The following HFM1 variants were observed in gnomAD, a reference collection of about 807,000 sequenced individuals.
HFM1 encodes the protein helicase for meiosis 1, also known as probable ATP-dependent DNA helicase HFM1.
HFM1 carries 169 observed loss-of-function variants against 192.1 expected under a neutral mutation model. That is an observed-to-expected ratio of 0.88 (90% confidence interval 0.78 to 1.00). HFM1 has a LOEUF of 1.00. Ranked by LOEUF, HFM1 falls within the 50% of genes least tolerant of loss-of-function variation. The probability of loss-of-function intolerance (pLI) is 0.00; values close to 1 mark genes in which losing one functional copy is unlikely to be tolerated. For missense variants in HFM1, 1,661 were observed against 1,668.0 expected (o/e 1.00, Z 0.07); for synonymous variants, 525 against 537.8 (o/e 0.98, Z 0.33).
chr1:91,315,998 G>C (rs1248448699), intron 27 of HFM1, 26 bp from the exon 28 acceptor site: 1 of 1,550,824 alleles, frequency 6.4e-7, no homozygotes, highest in East Asian at 2.3e-5. Context: ...AGTATAAAAA[G>C]TGTTAAAAAT....
chr1:91,272,626 A>T (rs1475844083), intron 34 of HFM1, among the ~76,000 whole-genome samples: 1 of 152,104 alleles, frequency 6.6e-6, no homozygotes, highest in Non-Finnish European at 1.5e-5. Flanking sequence ...TGTTGAACAA[A>T]GATAAATATA....
chr1:91,331,039 C>T lies in HFM1; in HGVS notation c.2336-6273G>A, dbSNP rs572086063. On this transcript the variant is annotated intron_variant, in intron 20 of 38. Transcript: ENST00000370425. ...TAGTATCATACTGAATGGGGATAAACGGAAAAGCTTTCCTCTAAGATATGG... is the reference window on the plus strand; with the variant it reads ...TAGTATCATACTGAATGGGGATAAATGGAAAAGCTTTCCTCTAAGATATGG... Among the ~76,000 whole-genome samples the T allele has an allele frequency of 4.6e-5, 7 of 152,248 alleles. No individual in the cohort carries two copies. The East Asian group carries it at 7.7e-4, about 17-fold the overall frequency.
At chr1:91,281,051 A>C (rs1380213161) in intron 30 of HFM1, among the ~76,000 whole-genome samples, 2 of 152,216 alleles carry the variant, frequency 1.3e-5, no homozygotes, top group Non-Finnish European at 2.9e-5. Flanking sequence ...GAGGGGGCAC[A>C]ATCAGATCTG....
In HFM1 at chr1:91,267,654, A is replaced by C. The variant is rs1344980244; in HGVS notation, c.3883+91T>G. On this transcript the variant is annotated intron_variant, in intron 35 of 38. Transcript: ENST00000370425. ...AAATCTAACTAAACAAGCACACACA[A>C]CAAAGGCAAAGAAACTTAGTTCCAG... 4.8e-6 allele frequency: 3 copies of C among 630,720 alleles called. No individual in the cohort carries two copies. In the African/African-American group the frequency reaches 5.7e-5, roughly 12 times the overall value. 39.1% of individuals were successfully genotyped at this position (630,720 alleles called of 1,614,324 possible).
chr1:91,367,431 G>A (rs1659509252), intron 13 of HFM1, among the ~76,000 whole-genome samples: 1 of 152,164 alleles, frequency 6.6e-6, no homozygotes, highest in Admixed American at 6.5e-5. Context: ...TCAGGCAGCA[G>A]CATTTGCGGT....
intron 30 of HFM1, among the ~76,000 whole-genome samples, chr1:91,293,831 A>C (rs1269699975): frequency 5.4e-5 from 8 of 147,980 alleles, no homozygotes; most frequent in African/African-American, 1.5e-4. Flanking sequence ...TGGATTAAGA[A>C]AATGTGGCAC....
chr1:91,279,505 T>A (rs2100808773), intron 30 of HFM1, among the ~76,000 whole-genome samples: 1 of 152,322 alleles, frequency 6.6e-6, no homozygotes, highest in East Asian at 1.9e-4. Context: ...TTTGCCCACT[T>A]AGAAACATGA....
chr1:91,360,692 G>A (rs1658376968), intron 13 of HFM1, among the ~76,000 whole-genome samples: 1 of 152,146 alleles, frequency 6.6e-6, no homozygotes, highest in Non-Finnish European at 1.5e-5. Context: ...GGATCAAGTG[G>A]ACCTGACAGA....
At chr1:91,353,196 A>G in intron 14 of HFM1, 44 bp from the exon 15 acceptor site, 1 of 1,559,146 alleles carries the variant, frequency 6.4e-7, no homozygotes, top group Non-Finnish European at 8.8e-7. Context: ...TATTTCATCA[A>G]TAATTGGCAC....
chr1:91,344,748 T>G (rs1443236417), intron 19 of HFM1, among the ~76,000 whole-genome samples: 1 of 59,942 alleles, frequency 1.7e-5, no homozygotes, highest in African/African-American at 7.5e-5. Context: ...TTCTTTTCTT[T>G]TCTTGTTTTT....
At chr1:91,392,079 T>C (rs1183111087) in intron 4 of HFM1, among the ~76,000 whole-genome samples, 2 of 152,060 alleles carry the variant, frequency 1.3e-5, no homozygotes, top group Non-Finnish European at 2.9e-5. Flanking sequence ...ATGGTGATCA[T>C]TAAAAAGTCA....
chr1:91,324,818 GT>G, intron 20 of HFM1, 52 bp from the exon 21 acceptor site: 3 of 924,510 alleles, frequency 3.2e-6, no homozygotes, highest in South Asian at 1.4e-5. Context: ...TGAACCAACT[GT>G]TTTTTTATGT....
chr1:91,285,618 TA>T (rs1358626964), intron 30 of HFM1, among the ~76,000 whole-genome samples: 1 of 152,154 alleles, frequency 6.6e-6, no homozygotes, highest in Non-Finnish European at 1.5e-5. Context: ...AATTTGCATA[TA>T]AAAATTGAAT....
At chr1:91,317,995 A>C (rs761631726) in intron 25 of HFM1, among the ~76,000 whole-genome samples, 5 of 152,168 alleles carry the variant, frequency 3.3e-5, no homozygotes, top group Admixed American at 6.5e-5. Flanking sequence ...CCATATTGAC[A>C]ATACTCTAGA....
intron 6 of HFM1, among the ~76,000 whole-genome samples, chr1:91,382,319 T>A (rs1557499801): frequency 6.6e-6 from 1 of 152,118 alleles, no homozygotes; most frequent in Non-Finnish European, 1.5e-5. Flanking sequence ...AGTCACCACT[T>A]TCTAAAAAAC....
At chr1:91,364,675 G>A (rs1281425845) in intron 13 of HFM1, among the ~76,000 whole-genome samples, 1 of 124,056 alleles carries the variant, frequency 8.1e-6, no homozygotes, top group Non-Finnish European at 1.6e-5. Flanking sequence ...CTGTCGCCCA[G>A]GCTGGAGTGT....
chr1:91,392,903 C>T (rs1229347832), intron 4 of HFM1, among the ~76,000 whole-genome samples: 1 of 151,826 alleles, frequency 6.6e-6, no homozygotes. Flanking sequence ...AGATTAGTGG[C>T]CACCAGGTGC....
chr1:91,316,496 C>A lies in HFM1; in HGVS notation c.2813-20G>T. The A allele has an allele frequency of 8.5e-7, 1 of 1,176,062 alleles. No homozygotes were observed. Among genetic ancestry groups the A allele is most frequent in the East Asian group, 2.6e-5 (1 of 37,940 alleles). 72.9% of individuals were successfully genotyped at this position (1,176,062 alleles called of 1,614,324 possible). A position where few individuals can be genotyped will look rare whatever the true frequency, so the allele number is the denominator to read the frequency against. The stretch of plus-strand genomic sequence containing the variant: ...TTATACCTGTGGAAAATTAATCAAA[C>A]AACAACTTAAAAATAATGCACTTTA... On this transcript the variant is annotated intron_variant, in intron 25 of 38. Transcript: ENST00000370425.
At chr1:91,369,200 C>A (rs534210419) in intron 13 of HFM1, among the ~76,000 whole-genome samples, 2 of 152,038 alleles carry the variant, frequency 1.3e-5, no homozygotes, top group East Asian at 1.9e-4. Flanking sequence ...CGAGACAGAA[C>A]ATTAACAAGG....
Sources: allele counts gnomAD v4.1 joint callset (sites outside exome capture counted in the v4.1 genomes callset), GRCh38; gene constraint gnomAD v4.1.1; transcripts MANE v1.5; gene names NCBI Gene and HGNC (gene_info 2026-07-23, HGNC 2026-07-21).